NOL4: variants seen among roughly 807,000 people sequenced by gnomAD.
NOL4 encodes nucleolar protein 4.
In NOL4, 17 loss-of-function variants were observed where a neutral mutation model predicts 75.9. The observed-to-expected ratio is 0.22, with a 90% CI of 0.15 to 0.34. NOL4 has a LOEUF of 0.34. Ranked by LOEUF, NOL4 falls within the 10% of genes least tolerant of loss-of-function variation. The pLI is 1.00. For missense variants in NOL4, 614 were observed against 793.5 expected, an observed-to-expected ratio of 0.77 and a Z score of 2.72; for synonymous variants, 292 against 289.9, an observed-to-expected ratio of 1.01 and a Z score of -0.07.
intron 1 of NOL4, among the ~76,000 whole-genome samples, chr18:34,209,332 T>C (rs1016864781): frequency 1.3e-5 from 2 of 152,162 alleles, no homozygotes; most frequent in African/African-American, 4.8e-5. Flanking sequence ...GGTAATAATT[T>C]TGATAAAAAA....
chr18:34,199,581 A>G (rs920279812), intron 1 of NOL4, among the ~76,000 whole-genome samples: 2 of 151,924 alleles, frequency 1.3e-5, no homozygotes, highest in African/African-American at 4.8e-5. Context: ...AAACCATAAA[A>G]GCCAAGTAAA....
intron 5 of NOL4, among the ~76,000 whole-genome samples, chr18:34,065,102 T>A (rs2077219224): frequency 6.6e-6 from 1 of 151,894 alleles, no homozygotes; most frequent in Admixed American, 6.6e-5. Flanking sequence ...GGTTAGATAA[T>A]GATATCACTA....
intron 1 of NOL4, among the ~76,000 whole-genome samples, chr18:34,187,209 A>G (rs528611504): frequency 3.3e-5 from 5 of 152,166 alleles, no homozygotes; most frequent in East Asian, 3.9e-4. Flanking sequence ...CCTTAACCCC[A>G]TAACAACCAC....
At chr18:34,046,049 G>T (rs1009599987) in intron 5 of NOL4, among the ~76,000 whole-genome samples, 1 of 152,110 alleles carries the variant, frequency 6.6e-6, no homozygotes, top group East Asian at 1.9e-4. Context: ...CCCTAGCAGA[G>T]GTTTCTGTTG....
chr18:34,151,350 C>T (rs2081627751), intron 1 of NOL4, among the ~76,000 whole-genome samples: 1 of 151,594 alleles, frequency 6.6e-6, no homozygotes, highest in African/African-American at 2.4e-5. Flanking sequence ...CTGGTGCACC[C>T]AGACAATGAA....
At chr18:34,139,879 T>C (rs1281127657) in intron 1 of NOL4, among the ~76,000 whole-genome samples, 1 of 152,210 alleles carries the variant, frequency 6.6e-6, no homozygotes, top group Non-Finnish European at 1.5e-5. Context: ...GTATATTGTG[T>C]CTTTGTTCTC....
intron 1 of NOL4, among the ~76,000 whole-genome samples, chr18:34,140,710 G>C (rs2081112043): frequency 6.6e-6 from 1 of 152,134 alleles, no homozygotes; most frequent in African/African-American, 2.4e-5. Flanking sequence ...GTGTGAATTT[G>C]ATCCTGTCAT....
intron 9 of NOL4, among the ~76,000 whole-genome samples, chr18:33,927,773 C>T (rs903002078): frequency 1.3e-5 from 2 of 151,376 alleles, no homozygotes; most frequent in African/African-American, 4.9e-5. Context: ...TTTAGAAATC[C>T]CAGTTATGTA....
chr18:34,026,867 A>G (rs2075369233), intron 5 of NOL4, among the ~76,000 whole-genome samples: 1 of 152,190 alleles, frequency 6.6e-6, no homozygotes, highest in Non-Finnish European at 1.5e-5. Flanking sequence ...TGACAAACAT[A>G]GTATTAGAAA....
At chr18:34,222,068 T>C (rs1446713957) in intron 1 of NOL4, 23 of 1,535,270 alleles carry the variant, frequency 1.5e-5, no homozygotes, top group Non-Finnish European at 1.9e-5. Context: ...CCATCCTACT[T>C]GTAGCCCACA....
intron 1 of NOL4, among the ~76,000 whole-genome samples, chr18:34,203,978 G>A (rs1487672115): frequency 6.6e-6 from 1 of 151,886 alleles, no homozygotes; most frequent in Non-Finnish European, 1.5e-5. Flanking sequence ...AAATTAATAG[G>A]ATGTGACAAG....
chr18:33,854,307 T>G lies in NOL4; in HGVS notation c.1724-1272A>C, dbSNP rs543444016. On this transcript the variant is annotated intron_variant, in intron 10 of 10. Coordinates refer to ENST00000261592, the MANE Select transcript of NOL4 (RefSeq NM_003787.5). ...CCCATGAGAGGGAAATAGCTTCACTTGAATTTAATTAGAGCAGAGACAAGA... is the reference window on the plus strand; with the variant it reads ...CCCATGAGAGGGAAATAGCTTCACTGGAATTTAATTAGAGCAGAGACAAGA... Among the ~76,000 whole-genome samples the G allele has an allele frequency of 1.1e-4, 17 of 152,208 alleles. No individual in the cohort carries two copies. In the South Asian group the frequency reaches 1.9e-3, roughly 17 times the overall value.
intron 9 of NOL4, among the ~76,000 whole-genome samples, chr18:33,905,816 A>G (rs2066002061): frequency 1.3e-5 from 2 of 152,188 alleles, no homozygotes; most frequent in African/African-American, 4.8e-5. Context: ...CAAGCCTACA[A>G]GGGGAATATT....
intron 9 of NOL4, among the ~76,000 whole-genome samples, chr18:33,927,440 C>T (rs940436308): frequency 6.6e-6 from 1 of 152,100 alleles, no homozygotes; most frequent in African/African-American, 2.4e-5. Flanking sequence ...GTCCTCTTTC[C>T]TCACTGTATC....
At chr18:34,199,068 A>G (rs1483907893) in intron 1 of NOL4, among the ~76,000 whole-genome samples, 3 of 151,800 alleles carry the variant, frequency 2.0e-5, no homozygotes, top group Non-Finnish European at 4.4e-5. Context: ...ACAAATCAAC[A>G]TAAGTGAGGG....
intron 9 of NOL4, among the ~76,000 whole-genome samples, chr18:33,938,960 G>T (rs1267187097): frequency 6.6e-6 from 1 of 152,092 alleles, no homozygotes; most frequent in Non-Finnish European, 1.5e-5. Context: ...TGTATAAGGT[G>T]TAAGGAAAAG....
At chr18:34,190,224 A>G (rs1254124226) in intron 1 of NOL4, among the ~76,000 whole-genome samples, 1 of 151,862 alleles carries the variant, frequency 6.6e-6, no homozygotes, top group Non-Finnish European at 1.5e-5. Context: ...GGCAAAACAG[A>G]TTGATTGATA....
At chr18:33,882,338 T>G (rs1166067506) in intron 10 of NOL4, among the ~76,000 whole-genome samples, 6 of 151,832 alleles carry the variant, frequency 4.0e-5, no homozygotes, top group African/African-American at 1.5e-4. Flanking sequence ...GAATCTACAA[T>G]GAACTCAAAC....
chr18:33,861,492 A>AT (rs2063128559), intron 10 of NOL4, among the ~76,000 whole-genome samples: 1 of 152,010 alleles, frequency 6.6e-6, no homozygotes, highest in African/African-American at 2.4e-5. Flanking sequence ...CCCCTTTATC[A>AT]TTTTTTATTG....
Sources: allele counts gnomAD v4.1 joint callset (sites outside exome capture counted in the v4.1 genomes callset), GRCh38; gene constraint gnomAD v4.1.1; transcripts MANE v1.5; gene names NCBI Gene and HGNC (gene_info 2026-07-23, HGNC 2026-07-21).